Variants in NRIP1 observed in about 807,000 individuals in gnomAD.
NRIP1 encodes the protein nuclear receptor-interacting protein 1.
A neutral mutation model predicts 75.0 loss-of-function variants in NRIP1; 28 were observed. That is an observed-to-expected ratio of 0.37 (90% CI 0.28 to 0.51). NRIP1 has a LOEUF of 0.51. Ranked by LOEUF, NRIP1 falls within the 20% of genes least tolerant of loss-of-function variation. NRIP1 has a pLI of 0.92. For missense variants in NRIP1, 1,435 were observed against 1,343.7 expected (o/e 1.07, Z -1.06); for synonymous variants, 526 against 487.6 (o/e 1.08, Z -1.04).
intron 2 of NRIP1, among the ~76,000 whole-genome samples, chr21:15,035,805 C>T (rs1300802549): frequency 6.6e-6 from 1 of 152,126 alleles, no homozygotes; most frequent in Admixed American, 6.5e-5. Flanking sequence ...ATCCACCCGC[C>T]TCGGCCTCCC....
chr21:15,031,820 T>C (rs1600900097), intron 2 of NRIP1, among the ~76,000 whole-genome samples: 2 of 149,476 alleles, frequency 1.3e-5, no homozygotes, highest in Admixed American at 6.6e-5. Flanking sequence ...CCTTTCTATG[T>C]GTGTACACTC....
At chr21:15,042,851 G>GT (rs2088988135) in intron 2 of NRIP1, among the ~76,000 whole-genome samples, 2 of 152,326 alleles carry the variant, frequency 1.3e-5, no homozygotes, top group South Asian at 2.1e-4. Flanking sequence ...CACAAAGTGA[G>GT]TAAGTTTCTC....
intron 3 of NRIP1, among the ~76,000 whole-genome samples, chr21:14,996,820 C>A (rs543487550): frequency 6.6e-6 from 1 of 151,746 alleles, no homozygotes; most frequent in Non-Finnish European, 1.5e-5. Context: ...GCATAATATA[C>A]GCACAAGAAA....
chr21:15,049,723 A>G (rs1335449570), intron 1 of NRIP1, among the ~76,000 whole-genome samples: 2 of 152,120 alleles, frequency 1.3e-5, no homozygotes, highest in South Asian at 2.1e-4. Flanking sequence ...GCACTTTTAC[A>G]CTACTCAAGC....
upstream of NRIP1, among the ~76,000 whole-genome samples, chr21:15,065,431 C>T (rs763237659): frequency 3.3e-5 from 5 of 152,096 alleles, no homozygotes; most frequent in Non-Finnish European, 5.9e-5. Context: ...CTCTTGGGAC[C>T]CAGGCCGAAT....
chr21:14,976,770 G>C (rs769947916), intron 3 of NRIP1, among the ~76,000 whole-genome samples: 3 of 152,158 alleles, frequency 2.0e-5, no homozygotes, highest in Non-Finnish European at 2.9e-5. Context: ...GTTGAGAATA[G>C]AGAAATAATG....
intron 2 of NRIP1, among the ~76,000 whole-genome samples, chr21:15,020,182 A>C (rs1250386669): frequency 6.6e-6 from 1 of 152,218 alleles, no homozygotes; most frequent in Non-Finnish European, 1.5e-5. Context: ...TGCAGGACTT[A>C]AACTTATCTA....
chr21:15,031,970 G>T (rs1320065555), intron 2 of NRIP1, among the ~76,000 whole-genome samples: 1 of 150,832 alleles, frequency 6.6e-6, no homozygotes, highest in Non-Finnish European at 1.5e-5. Flanking sequence ...CTTTCTATGT[G>T]TGTACACTCT....
At chr21:15,012,402 T>C (rs894065535) in intron 3 of NRIP1, among the ~76,000 whole-genome samples, 2 of 151,272 alleles carry the variant, frequency 1.3e-5, no homozygotes, top group Non-Finnish European at 2.9e-5. Flanking sequence ...AATTTGTTTT[T>C]ATAAATTTTT....
At chr21:15,063,160 C>A (rs1978477137) in intron 1 of NRIP1, among the ~76,000 whole-genome samples, 1 of 152,196 alleles carries the variant, frequency 6.6e-6, no homozygotes, top group African/African-American at 2.4e-5. Flanking sequence ...AGGGCAGTAG[C>A]CGCTCCACTA....
chr21:15,058,079 A>G (rs1329663576), intron 1 of NRIP1, among the ~76,000 whole-genome samples: 1 of 152,244 alleles, frequency 6.6e-6, no homozygotes, highest in African/African-American at 2.4e-5. Context: ...CTGTACAGTC[A>G]GAATTTTAGA....
At chr21:15,009,698 T>C (rs904718966) in intron 3 of NRIP1, among the ~76,000 whole-genome samples, 1 of 152,108 alleles carries the variant, frequency 6.6e-6, no homozygotes, top group Non-Finnish European at 1.5e-5. Context: ...AGTAATCACC[T>C]CCAAGAATAA....
At chr21:14,975,658 GGAGAGA>G (rs373431636) in intron 3 of NRIP1, among the ~76,000 whole-genome samples, 136 of 140,374 alleles carry the variant, frequency 9.7e-4, no homozygotes, top group African/African-American at 3.6e-3. Context: ...AGGAAGGAAG[GGAGAGA>G]GAGAGAGAAA....
chr21:14,991,338 A>G (rs1275104235), intron 3 of NRIP1: 1 of 150,268 alleles, frequency 6.7e-6, no homozygotes, highest in Non-Finnish European at 1.5e-5. Flanking sequence ...AAAATGTTCT[A>G]GGTGTTATTT....
At chr21:14,969,410 TCA>T (rs2086845850) in intron 3 of NRIP1, among the ~76,000 whole-genome samples, 1 of 152,170 alleles carries the variant, frequency 6.6e-6, no homozygotes, top group East Asian at 1.9e-4. Flanking sequence ...GACATTTTAG[TCA>T]CAGTTTGAAA....
At chr21:15,061,483 G>C (rs947461820) in intron 1 of NRIP1, among the ~76,000 whole-genome samples, 1 of 152,124 alleles carries the variant, frequency 6.6e-6, no homozygotes, top group African/African-American at 2.4e-5. Flanking sequence ...AAGAGAGCAA[G>C]GGAGGGAGGG....
intron 3 of NRIP1, chr21:15,002,109 A>C (rs1376036611): frequency 1.3e-5 from 2 of 152,184 alleles, no homozygotes; most frequent in Admixed American, 1.3e-4. Flanking sequence ...CACGTGCCCT[A>C]GAAAGAGCGC....
In NRIP1 at chr21:14,965,251, A is replaced by G; in HGVS notation, c.2942T>C (p.Leu981Ser). The change falls in exon 4 of 4, where the codon TTA (leucine) becomes TCA (serine). Residue 981 changes from leucine to serine, a missense_variant. Coordinates refer to ENST00000318948, the MANE Select transcript of NRIP1 (RefSeq NM_003489.4). ...AGTGGAACTGTACATCAGTCCATTT[A>G]AAGAAGAAATGCTAAATTCAGGTTT... is the stretch of plus-strand genomic sequence containing the variant. ...NSKPEFSISS[L>S]NGLMYSSTQP... 1 of 1,614,012 alleles carries G rather than the reference A, an allele frequency of 6.2e-7. No homozygotes were observed. The highest frequency in any genetic ancestry group is 8.5e-7 in the Non-Finnish European group (1 of 1,179,940).
At chr21:14,993,304 G>C (rs1442376487) in intron 3 of NRIP1, among the ~76,000 whole-genome samples, 1 of 151,306 alleles carries the variant, frequency 6.6e-6, no homozygotes, top group Non-Finnish European at 1.5e-5. Context: ...TACTGTATTG[G>C]TTACTCAGAG....
Sources: gnomAD v4.1 joint callset for allele counts (sites outside exome capture counted in the v4.1 genomes callset) on GRCh38, gnomAD v4.1.1 for gene constraint, MANE v1.5 for transcripts, NCBI Gene and HGNC (gene_info 2026-07-23, HGNC 2026-07-21) for gene names.